The following GRIN2B variants were observed in gnomAD, a reference collection of about 807,000 sequenced individuals.
GRIN2B encodes the protein glutamate receptor ionotropic, NMDA 2B.
Under a neutral mutation model 114.5 loss-of-function variants are expected in GRIN2B, and 5 were observed. The ratio of observed to expected loss-of-function variants is 0.04; its 90% CI spans 0.02 to 0.09. The LOEUF is 0.09. Ranked by LOEUF, GRIN2B falls within the 10% of genes least tolerant of loss-of-function variation. GRIN2B has a pLI of 1.00. For missense variants in GRIN2B, 1,108 were observed against 1,943.5 expected (o/e 0.57, Z 8.08); for synonymous variants, 787 against 745.1 (o/e 1.06, Z -0.92).
Position 13,539,405 on chromosome 12 carries a change from A to G in GRIN2B, c.*23378T>C, listed in dbSNP as rs888164211. ...ATGATTGGCATGTGAAAAGCTAAAT[A>G]TGTCTATGCTATTTTCTTACCAAGA... On this transcript the variant is annotated 3_prime_UTR_variant, in exon 14 of 14. Coordinates refer to ENST00000609686, the MANE Select transcript of GRIN2B (RefSeq NM_000834.5). 2.6e-5 allele frequency: 4 copies of G among 152,220 alleles called. No individual in the cohort carries two copies. The highest frequency in any genetic ancestry group is 9.7e-5 in the African/African-American group (4 of 41,446). 9.4% of individuals were successfully genotyped at this position (152,220 alleles called of 1,614,324 possible). A position where few individuals can be genotyped will look rare whatever the true frequency, so the allele number is the denominator to read the frequency against.
chr12:13,908,556 A>T (rs931559434), intron 2 of GRIN2B, among the ~76,000 whole-genome samples: 1 of 152,228 alleles, frequency 6.6e-6, no homozygotes, highest in East Asian at 1.9e-4. Flanking sequence ...GCCTGATCTC[A>T]GAGCAAAATT....
intron 10 of GRIN2B, among the ~76,000 whole-genome samples, chr12:13,597,367 C>T (rs543079104): frequency 6.6e-6 from 1 of 152,286 alleles, no homozygotes; most frequent in South Asian, 2.1e-4. Flanking sequence ...GAAGCTAAAC[C>T]GAAAGGAAAA....
At chr12:13,734,870 C>T (rs1403373177) in intron 4 of GRIN2B, among the ~76,000 whole-genome samples, 3 of 152,104 alleles carry the variant, frequency 2.0e-5, no homozygotes, top group African/African-American at 7.2e-5. Flanking sequence ...AAGAGAGGAG[C>T]ATCACAAGGA....
In GRIN2B at chr12:13,561,510, C is replaced by T. The variant is rs1948543319; in HGVS notation, c.*1273G>A. ...GGGAAGAAGCCTGCTCGTCTAGCTT[C>T]AGGTTAAGTAAGAAGGGATCAAAGC... On this transcript the variant is annotated 3_prime_UTR_variant, in exon 14 of 14. Coordinates refer to ENST00000609686, the MANE Select transcript of GRIN2B (RefSeq NM_000834.5). 1 of 152,616 alleles carries T rather than the reference C, an allele frequency of 6.6e-6. No individual in the cohort carries two copies. Among genetic ancestry groups the T allele is most frequent in the Non-Finnish European group, 1.5e-5 (1 of 68,050 alleles). 9.5% of individuals were successfully genotyped at this position (152,616 alleles called of 1,614,324 possible).
chr12:13,940,772 C>T (rs1867231397), intron 2 of GRIN2B, among the ~76,000 whole-genome samples: 1 of 152,058 alleles, frequency 6.6e-6, no homozygotes, highest in African/African-American at 2.4e-5. Context: ...ATCCTAGAAC[C>T]ACTTTGCTAA....
At chr12:13,626,226 TCAAA>T (rs1333804696) in intron 5 of GRIN2B, among the ~76,000 whole-genome samples, 1 of 152,144 alleles carries the variant, frequency 6.6e-6, no homozygotes, top group Non-Finnish European at 1.5e-5. Flanking sequence ...GAGGAACCAC[TCAAA>T]CAGACCACTC....
chr12:13,694,371 G>A (rs1359738897), intron 4 of GRIN2B, among the ~76,000 whole-genome samples: 2 of 152,034 alleles, frequency 1.3e-5, no homozygotes, highest in Non-Finnish European at 2.9e-5. Flanking sequence ...TGCAGCAAAT[G>A]CTCATTGAAC....
intron 2 of GRIN2B, among the ~76,000 whole-genome samples, chr12:13,905,847 T>G (rs1329854731): frequency 6.6e-6 from 1 of 152,080 alleles, no homozygotes; most frequent in African/African-American, 2.4e-5. Flanking sequence ...CACTTTCCCA[T>G]CCCCAGCCCC....
chr12:13,719,707 T>A (rs1185465239), intron 4 of GRIN2B, among the ~76,000 whole-genome samples: 1 of 152,096 alleles, frequency 6.6e-6, no homozygotes, highest in Non-Finnish European at 1.5e-5. Flanking sequence ...TTGAGTCTGT[T>A]TCAGAAAACC....
chr12:13,961,402 G>T (rs938670197), intron 2 of GRIN2B, among the ~76,000 whole-genome samples: 13 of 152,106 alleles, frequency 8.5e-5, no homozygotes, highest in Non-Finnish European at 1.6e-4. Flanking sequence ...CTGGACACCT[G>T]GACAAAGAGG....
intron 4 of GRIN2B, among the ~76,000 whole-genome samples, chr12:13,688,052 T>C (rs1220225053): frequency 3.3e-5 from 5 of 152,194 alleles, no homozygotes; most frequent in Non-Finnish European, 4.4e-5. Context: ...ACATCAATGA[T>C]ATAAAATAAT....
intron 10 of GRIN2B, among the ~76,000 whole-genome samples, chr12:13,579,017 G>A (rs1948811360): frequency 6.6e-6 from 1 of 152,132 alleles, no homozygotes; most frequent in African/African-American, 2.4e-5. Flanking sequence ...ATGCAGCAGT[G>A]AGAGAACAGA....
intron 5 of GRIN2B, among the ~76,000 whole-genome samples, chr12:13,674,824 T>C (rs184590449): frequency 7.9e-5 from 12 of 152,256 alleles, no homozygotes; most frequent in African/African-American, 2.9e-4. Context: ...GTAAAGATGT[T>C]TCTTTGCTAT....
chr12:13,754,105 T>C (rs1863536953), intron 3 of GRIN2B, among the ~76,000 whole-genome samples, 190 bp from the exon 4 acceptor site: 1 of 152,238 alleles, frequency 6.6e-6, no homozygotes, highest in East Asian at 1.9e-4. Flanking sequence ...ATACTTTTCT[T>C]CCTAAAATTG....
intron 2 of GRIN2B, 38 bp downstream of exon 2, chr12:13,979,890 C>A (rs953718343): frequency 6.6e-6 from 1 of 152,132 alleles, no homozygotes; most frequent in Non-Finnish European, 1.5e-5. Flanking sequence ...GGAATCCCTA[C>A]CCCAGGTGAG....
chr12:13,593,758 G>A (rs1949038402), intron 10 of GRIN2B, among the ~76,000 whole-genome samples: 1 of 152,044 alleles, frequency 6.6e-6, no homozygotes. Context: ...TACAGAATGG[G>A]GAAAATTTTG....
At chr12:13,773,632 C>A (rs374840655) in intron 3 of GRIN2B, among the ~76,000 whole-genome samples, 4 of 152,232 alleles carry the variant, frequency 2.6e-5, no homozygotes, top group African/African-American at 7.2e-5. Context: ...TGGAGAAAAG[C>A]CATAAGGAGC....
intron 3 of GRIN2B, among the ~76,000 whole-genome samples, chr12:13,813,530 T>C (rs1312874993): frequency 6.6e-6 from 1 of 152,156 alleles, no homozygotes; most frequent in Non-Finnish European, 1.5e-5. Flanking sequence ...ACAGTAATAA[T>C]AATAGCTAGC....
At chr12:13,745,506 T>C (rs1031144780) in intron 4 of GRIN2B, among the ~76,000 whole-genome samples, 1 of 152,138 alleles carries the variant, frequency 6.6e-6, no homozygotes, top group African/African-American at 2.4e-5. Flanking sequence ...GGCCAAGCAG[T>C]GGAGAGGTAG....
Sources: allele counts gnomAD v4.1 joint callset (sites outside exome capture counted in the v4.1 genomes callset), GRCh38; gene constraint gnomAD v4.1.1; transcripts MANE v1.5; gene names NCBI Gene and HGNC (gene_info 2026-07-23, HGNC 2026-07-21).